The following POLA1 variants were observed in gnomAD, a reference collection of about 807,000 sequenced individuals.
POLA1 encodes DNA polymerase alpha 1, catalytic subunit.
POLA1 carries 15 observed loss-of-function variants against 124.0 expected under a neutral mutation model. The ratio of observed to expected loss-of-function variants is 0.12; its 90% CI spans 0.08 to 0.19. The LOEUF is 0.19. POLA1 is among the 10% of genes least tolerant of loss of function. POLA1 has a pLI of 1.00. For missense variants in POLA1, 886 were observed against 1,103.4 expected, an observed-to-expected ratio of 0.80 and a Z score of 2.79; for synonymous variants, 408 against 389.4, an observed-to-expected ratio of 1.05 and a Z score of -0.56.
intron 26 of POLA1, among the ~76,000 whole-genome samples, chrX:24,801,920 GGT>G (rs369293248): frequency 2.1e-5 from 1 of 47,520 alleles, no homozygotes; most frequent in East Asian, 9.7e-4. Flanking sequence ...AGGAGAGGTG[GGT>G]GGGTGTGTGT....
chrX:24,881,908 G>A (rs2047007749), intron 34 of POLA1, among the ~76,000 whole-genome samples: 1 of 111,679 alleles, frequency 9.0e-6, no homozygotes, highest in South Asian at 3.7e-4. Flanking sequence ...GTTTGTGTAA[G>A]AGAATGATGA....
chrX:24,981,416 C>G (rs746248867), intron 36 of POLA1, among the ~76,000 whole-genome samples: 13 of 112,267 alleles, frequency 1.2e-4, no homozygotes, highest in Non-Finnish European at 1.9e-5. Context: ...TGCCATCAAA[C>G]CAAATTTGCT....
At chrX:24,711,722 T>G (rs1213817347) in intron 4 of POLA1, among the ~76,000 whole-genome samples, 2 of 110,835 alleles carry the variant, frequency 1.8e-5, no homozygotes, top group Non-Finnish European at 3.8e-5. Context: ...CTCAGCCTCC[T>G]GAGTAGCTGG....
intron 26 of POLA1, among the ~76,000 whole-genome samples, chrX:24,800,293 A>G (rs1243031763): frequency 8.9e-6 from 1 of 112,480 alleles, no homozygotes; most frequent in African/African-American, 3.2e-5. Flanking sequence ...TTCAAGTTTG[A>G]TTAAATATGT....
intron 1 of POLA1, among the ~76,000 whole-genome samples, chrX:24,695,917 TG>T (rs1339398789): frequency 2.7e-5 from 3 of 112,968 alleles, no homozygotes; most frequent in African/African-American, 9.7e-5. Flanking sequence ...GGACATGGTT[TG>T]TCTTCATGAA....
intron 35 of POLA1, among the ~76,000 whole-genome samples, chrX:24,896,205 C>T (rs980567098): frequency 2.1e-4 from 23 of 111,094 alleles, no homozygotes; most frequent in African/African-American, 7.2e-4. Context: ...AGGGAGGTGC[C>T]GCTGGCATCT....
intron 17 of POLA1, chrX:24,734,350 T>C (rs1045506294): frequency 8.9e-6 from 1 of 112,200 alleles, no homozygotes; most frequent in African/African-American, 3.2e-5. Context: ...TTCACAAAGG[T>C]AAATGTATTC....
Position 24,727,211 on chromosome X carries a change from G to A in POLA1, c.1531+140G>A, listed in dbSNP as rs187541812. ...TGTTTCTTCAGTTTTCGTTGAGTGAGTATAGGGAGTACATTTGGAATCACC... is the reference window on the plus strand; with the variant it reads ...TGTTTCTTCAGTTTTCGTTGAGTGAATATAGGGAGTACATTTGGAATCACC... On this transcript the variant is annotated intron_variant, in intron 14 of 36. Transcript: ENST00000379068. 1.7e-5 allele frequency: 8 copies of A among 483,005 alleles called. No individual in the cohort carries two copies. In the Admixed American group the frequency reaches 2.3e-4, roughly 14 times the overall value. The allele number at this position is 483,005 out of a possible 1,213,427, so 39.8% of individuals were successfully genotyped here.
At chrX:24,968,914 G>T (rs932446333) in intron 36 of POLA1, among the ~76,000 whole-genome samples, 4 of 110,529 alleles carry the variant, frequency 3.6e-5, no homozygotes, top group Admixed American at 2.9e-4. Context: ...TCTTCTCTAA[G>T]AATCCATAAT....
chrX:24,811,642 G>GTT (rs10582961), intron 28 of POLA1, among the ~76,000 whole-genome samples: 3 of 94,956 alleles, frequency 3.2e-5, no homozygotes, highest in Non-Finnish European at 4.2e-5. Flanking sequence ...AAATTCAAAG[G>GTT]TTTTTTTTTT....
intron 34 of POLA1, among the ~76,000 whole-genome samples, chrX:24,853,697 G>A (rs1027659297): frequency 1.8e-5 from 2 of 111,527 alleles, no homozygotes; most frequent in Non-Finnish European, 3.8e-5. Flanking sequence ...TTTTTCTTGA[G>A]GTTACAGGAT....
rs1314350403 is a variant in POLA1, at chrX:24,985,344, A to G, written c.4262-10461A>G. On this transcript the variant is annotated intron_variant, in intron 36 of 36. Coordinates refer to ENST00000379068, the MANE Select transcript of POLA1 (RefSeq NM_001330360.2). ...AACTTTATTAACAAAAACAAGTGGA[A>G]GCCGAGATTTGGCCTTCAGGCCATA... is the stretch of plus-strand genomic sequence containing the variant. 8.8e-5 allele frequency among the ~76,000 whole-genome samples: 10 copies of G among 113,066 alleles called. No individual in the cohort carries two copies. In the Admixed American group the frequency reaches 9.3e-4, roughly 11 times the overall value.
At chrX:24,875,154 A>C (rs1180858598) in intron 34 of POLA1, among the ~76,000 whole-genome samples, 1 of 111,872 alleles carries the variant, frequency 8.9e-6, no homozygotes, top group Non-Finnish European at 1.9e-5. Context: ...GAGAAAAGAA[A>C]AAAATCACAT....
intron 36 of POLA1, among the ~76,000 whole-genome samples, chrX:24,968,397 A>AT (rs1164116469): frequency 1.8e-5 from 2 of 111,619 alleles, no homozygotes; most frequent in Non-Finnish European, 3.8e-5. Context: ...CAGATTAAGC[A>AT]TTTGCTATAA....
At chrX:24,775,907 T>C (rs1372814582) in intron 26 of POLA1, among the ~76,000 whole-genome samples, 1 of 111,884 alleles carries the variant, frequency 8.9e-6, no homozygotes, top group Admixed American at 9.5e-5. Flanking sequence ...TGAAAAAATA[T>C]AAGTCCATAA....
chrX:24,789,085 C>T (rs757445036), intron 26 of POLA1: 10 of 1,199,650 alleles, frequency 8.3e-6, no homozygotes, highest in South Asian at 1.8e-5. Flanking sequence ...CGGCTGTATC[C>T]GAGAGCTGGG....
chrX:24,800,337 A>G (rs1365781197), intron 26 of POLA1, among the ~76,000 whole-genome samples: 1 of 112,490 alleles, frequency 8.9e-6, no homozygotes, highest in Non-Finnish European at 1.9e-5. Context: ...ACGTAAGCAC[A>G]CATTCAAATC....
intron 26 of POLA1, among the ~76,000 whole-genome samples, chrX:24,783,804 A>G (rs1402147522): frequency 1.8e-5 from 2 of 111,732 alleles, no homozygotes; most frequent in African/African-American, 6.5e-5. Context: ...GCCACTAGCC[A>G]CAGGTGGCTA....
chrX:24,919,431 G>A (rs1331508599), intron 35 of POLA1, among the ~76,000 whole-genome samples: 1 of 110,920 alleles, frequency 9.0e-6, no homozygotes, highest in Non-Finnish European at 1.9e-5. Flanking sequence ...AGTGCCTTGA[G>A]GTCATGTTCC....
Sources: allele counts gnomAD v4.1 joint callset (sites outside exome capture counted in the v4.1 genomes callset), GRCh38; gene constraint gnomAD v4.1.1; transcripts MANE v1.5; gene names NCBI Gene and HGNC (gene_info 2026-07-23, HGNC 2026-07-21).